MX1: variants seen among roughly 807,000 people sequenced by gnomAD.
The protein encoded by MX1 is MX dynamin like GTPase 1, also known as interferon-induced GTP-binding protein Mx1.
A neutral mutation model predicts 66.4 loss-of-function variants in MX1; 66 were observed. The observed-to-expected ratio is 0.99, with a 90% CI of 0.82 to 1.22. The LOEUF is 1.22. Among genes scored for constraint, MX1 ranks in the 50% most tolerant of loss-of-function variants. MX1 has a pLI of 0.00. For synonymous variants in MX1, 311 were observed against 318.1 expected (o/e 0.98, Z 0.24); for missense variants, 787 against 834.3 (o/e 0.94, Z 0.70).
chr21:41,445,309 T>G, intron 11 of MX1, 139 bp from the exon 12 acceptor site: 1 of 1,010,292 alleles, frequency 9.9e-7, no homozygotes, highest in Non-Finnish European at 1.5e-6. Flanking sequence ...CTCCCCCGGG[T>G]CTGGAAAAGC....
At chr21:41,444,593 T>C (rs1392618911) in intron 11 of MX1, among the ~76,000 whole-genome samples, 2 of 151,900 alleles carry the variant, frequency 1.3e-5, no homozygotes, top group South Asian at 4.2e-4. Flanking sequence ...TTCCACGTGG[T>C]CCCCAGGAAT....
intron 13 of MX1, among the ~76,000 whole-genome samples, chr21:41,448,071 A>C (rs190295614): frequency 2.6e-4 from 39 of 152,322 alleles, no homozygotes; most frequent in Admixed American, 5.9e-4. Flanking sequence ...TACTATGTAA[A>C]TGACATCTCA....
intron 16 of MX1, among the ~76,000 whole-genome samples, chr21:41,456,627 A>G (rs2090965426): frequency 6.6e-6 from 1 of 152,230 alleles, no homozygotes; most frequent in Non-Finnish European, 1.5e-5. Flanking sequence ...AGCCTAGCCA[A>G]GCTAACACAT....
intron 16 of MX1, among the ~76,000 whole-genome samples, chr21:41,453,954 C>G (rs1046378023): frequency 6.6e-6 from 1 of 152,178 alleles, no homozygotes; most frequent in Admixed American, 6.5e-5. Context: ...CTCTGGGTAG[C>G]AGCCTTCAGA....
At chr21:41,434,000 G>C (rs1180043174) in intron 5 of MX1, among the ~76,000 whole-genome samples, 4 of 152,194 alleles carry the variant, frequency 2.6e-5, no homozygotes, top group African/African-American at 9.7e-5. Context: ...TCACAACTCA[G>C]GGTGAATAGT....
chr21:41,433,544 A>C (rs534601204), intron 5 of MX1, among the ~76,000 whole-genome samples: 2 of 152,352 alleles, frequency 1.3e-5, no homozygotes, highest in East Asian at 3.9e-4. Context: ...GAACCAAAGA[A>C]TCAAGTTACA....
intron 13 of MX1, among the ~76,000 whole-genome samples, chr21:41,448,243 A>G (rs149744695): frequency 1.7e-4 from 26 of 152,360 alleles, no homozygotes; most frequent in African/African-American, 6.3e-4. Flanking sequence ...AGAAAAATGC[A>G]GCATCTTACA....
intron 10 of MX1, among the ~76,000 whole-genome samples, chr21:41,443,223 G>T (rs533452535): frequency 6.6e-6 from 1 of 152,320 alleles, no homozygotes; most frequent in East Asian, 1.9e-4. Context: ...ATCCTAAAAT[G>T]TCCTATAAAA....
intron 3 of MX1, 74 bp from the exon 4 acceptor site, chr21:41,430,459 G>A (rs2090182403): frequency 6.6e-6 from 1 of 152,040 alleles, no homozygotes; most frequent in Admixed American, 6.6e-5. Context: ...ACTTGGGAAT[G>A]GGACTGGGTG....
chr21:41,452,481 C>T (rs748905069), intron 15 of MX1, 140 bp from the exon 16 acceptor site: 188 of 920,990 alleles, frequency 2.0e-4, no homozygotes, highest in Non-Finnish European at 2.7e-4. Context: ...CACCAGGGCG[C>T]GGCCCAGAGG....
chr21:41,440,823 A>G, intron 8 of MX1, 64 bp from the exon 9 acceptor site: 1 of 1,593,278 alleles, frequency 6.3e-7, no homozygotes, highest in South Asian at 1.1e-5. Context: ...CAAGGTCAGG[A>G]CTTGTCTCAC....
Position 41,433,582 on chromosome 21 carries a change from G to A in MX1, c.105+1407G>A, listed in dbSNP as rs140917066. Among the ~76,000 whole-genome samples the A allele has an allele frequency of 1.5e-3, 236 of 152,288 alleles. No individual in the cohort carries two copies. The Middle Eastern group carries it at 0.024, about 15-fold the overall frequency. ...AAATATACAAAATGATTCCACTTACGTAAAATTCCCCAACAGGCAGCAATA... is the reference window on the plus strand; with the variant it reads ...AAATATACAAAATGATTCCACTTACATAAAATTCCCCAACAGGCAGCAATA... On this transcript the variant is annotated intron_variant, in intron 5 of 16. Coordinates refer to ENST00000398598, the MANE Select transcript of MX1 (RefSeq NM_002462.5).
chr21:41,439,962 T>C, intron 8 of MX1, 114 bp downstream of exon 8: 1 of 1,153,284 alleles, frequency 8.7e-7, no homozygotes, highest in Non-Finnish European at 1.2e-6. Context: ...GAGCTGAGTT[T>C]TGGAGTTAGT....
chr21:41,426,929 C>T, intron 1 of MX1: 1 of 152,454 alleles, frequency 6.6e-6, no homozygotes, highest in Non-Finnish European at 1.5e-5. Flanking sequence ...TCGTAGTTGG[C>T]CGGGATCGTG....
chr21:41,442,472 A>G (rs1001974608), intron 10 of MX1, among the ~76,000 whole-genome samples: 3 of 152,218 alleles, frequency 2.0e-5, no homozygotes, highest in African/African-American at 4.8e-5. Context: ...GAAGAAAGGT[A>G]GGTGAATAGT....
chr21:41,429,497 TC>T (rs752787903), intron 3 of MX1: 5 of 152,168 alleles, frequency 3.3e-5, no homozygotes, highest in Admixed American at 6.5e-5. Context: ...AGACTGGTAC[TC>T]CTGAGAGGCA....
At position 41,441,863 on chromosome 21, in the gene MX1, C is replaced by A. The variant is rs749237885; in HGVS notation, c.878C>A (p.Ser293Tyr). The A allele has an allele frequency of 6.2e-6, 10 of 1,614,064 alleles. No individual in the cohort carries two copies. In the African/African-American group the frequency reaches 1.1e-4, roughly 17 times the overall value. ...GAGATCCAGGACCAGCTGAGCCTGT[C>A]CGAAGCCCTGCAGAGAGAGAAGATC... Reference protein sequence around the residue: ...QQEIQDQLSLSEALQREKIFF... With the variant: ...QQEIQDQLSLYEALQREKIFF... The change falls in exon 10 of 17, where the codon TCC becomes TAC. Residue 293 changes from serine (S) to tyrosine (Y), a missense_variant. Transcript: ENST00000398598. This position sits in a 1 kb window ranked among gnomAD's most constrained non-coding sequence, Gnocchi z 4.0.
Position 41,441,641 on chromosome 21 carries a change from G to A in MX1, c.731-75G>A. The A allele has an allele frequency of 6.7e-7, 1 of 1,488,208 alleles. No individual in the cohort carries two copies. The highest frequency in any genetic ancestry group is 9.4e-7 in the Non-Finnish European group (1 of 1,067,360). The allele number at this position is 1,488,208 out of a possible 1,614,324, so 92.2% of individuals were successfully genotyped here. A position where few individuals can be genotyped will look rare whatever the true frequency, so the allele number is the denominator to read the frequency against. ...ATGGGAGGAAACCCTGGGAGGCCGG[G>A]GGCGTGAGCAGTTGTTCGTTCACCT... On this transcript the variant is annotated intron_variant, in intron 9 of 16. Coordinates refer to ENST00000398598, the MANE Select transcript of MX1 (RefSeq NM_002462.5). The surrounding 1 kb of genome is among the most constrained non-coding windows in gnomAD (Gnocchi z 4.0).
At chr21:41,454,979 T>C (rs1568998718) in intron 16 of MX1, among the ~76,000 whole-genome samples, 1 of 151,634 alleles carries the variant, frequency 6.6e-6, no homozygotes, top group Non-Finnish European at 1.5e-5. Context: ...CAATCTCAGC[T>C]CACTGCAACC....
Sources: allele counts gnomAD v4.1 joint callset (sites outside exome capture counted in the v4.1 genomes callset), GRCh38; gene constraint gnomAD v4.1.1; non-coding constraint Gnocchi (gnomAD v3.1); transcripts MANE v1.5; gene names NCBI Gene and HGNC (gene_info 2026-07-23, HGNC 2026-07-21).